PTPRT: variants seen among roughly 807,000 people sequenced by gnomAD.
PTPRT encodes the protein receptor-type tyrosine-protein phosphatase T.
Under a neutral mutation model 176.8 loss-of-function variants are expected in PTPRT, and 56 were observed. The ratio of observed to expected loss-of-function variants is 0.32; its 90% CI spans 0.26 to 0.40. PTPRT has a LOEUF of 0.40. PTPRT is among the 10% of genes least tolerant of loss of function. The pLI, the probability that PTPRT is intolerant of heterozygous loss-of-function variation, is 1.00. For missense variants in PTPRT, 1,540 were observed against 1,908.2 expected, an observed-to-expected ratio of 0.81 and a Z score of 3.60; for synonymous variants, 783 against 739.0, an observed-to-expected ratio of 1.06 and a Z score of -0.96.
At chr20:43,019,114 A>G (rs1301252224) in intron 1 of PTPRT, among the ~76,000 whole-genome samples, 1 of 152,246 alleles carries the variant, frequency 6.6e-6, no homozygotes, top group African/African-American at 2.4e-5. Flanking sequence ...AGGTAATAGA[A>G]TACAATACAC....
chr20:42,651,467 A>G (rs1274162777), intron 7 of PTPRT, among the ~76,000 whole-genome samples: 1 of 152,310 alleles, frequency 6.6e-6, no homozygotes, highest in Non-Finnish European at 1.5e-5. Context: ...TTCCCATTTT[A>G]CAGATGAGAA....
At position 42,419,376 on chromosome 20, in the gene PTPRT, C is replaced by T. The variant is rs140597608; in HGVS notation, c.1560+28844G>A. ...GTGAAGAGGGAGGAGCTTCAAGGTG[C>T]CTACAGTACCAGGGCAGCAGGGGAA... On this transcript the variant is annotated intron_variant, in intron 9 of 30. Transcript: ENST00000373187. Among the ~76,000 whole-genome samples, 509 of 152,252 alleles carry T rather than the reference C, an allele frequency of 3.3e-3. 3 individuals are homozygous for T. The highest frequency in any genetic ancestry group is 0.012 in the African/African-American group (481 of 41,556).
At chr20:43,162,476 C>A (rs1281386403) in intron 1 of PTPRT, among the ~76,000 whole-genome samples, 1 of 152,194 alleles carries the variant, frequency 6.6e-6, no homozygotes, top group Non-Finnish European at 1.5e-5. Context: ...CTGGTAATAA[C>A]CACACAACAA....
chr20:43,128,510 TG>T (rs2013532434), intron 1 of PTPRT, among the ~76,000 whole-genome samples: 1 of 152,206 alleles, frequency 6.6e-6, no homozygotes, highest in Non-Finnish European at 1.5e-5. Context: ...ACAACCACTA[TG>T]GGGGCCCCAA....
At chr20:42,192,266 T>G (rs1991031549) in intron 16 of PTPRT, among the ~76,000 whole-genome samples, 1 of 152,106 alleles carries the variant, frequency 6.6e-6, no homozygotes, top group Admixed American at 6.6e-5. Flanking sequence ...GCCATTTTCC[T>G]GAAAGGGTTA....
chr20:43,132,487 G>A (rs746573507), intron 1 of PTPRT, among the ~76,000 whole-genome samples: 11 of 152,116 alleles, frequency 7.2e-5, no homozygotes, highest in Non-Finnish European at 1.5e-4. Context: ...TGTTGTTCTT[G>A]GATACTCTGT....
intron 4 of PTPRT, 80 bp from the exon 5 acceptor site, chr20:42,771,630 G>A: frequency 8.8e-7 from 1 of 1,142,664 alleles, no homozygotes. Context: ...GGCAGCTCAG[G>A]ATGGGCACTG....
At chr20:42,090,409 C>T (rs563779279) in intron 27 of PTPRT, among the ~76,000 whole-genome samples, 30 of 151,210 alleles carry the variant, frequency 2.0e-4, no homozygotes, top group Non-Finnish European at 3.2e-4. Context: ...TGGGTTGCTC[C>T]GATGAGCTGA....
intron 7 of PTPRT, among the ~76,000 whole-genome samples, chr20:42,666,953 G>A (rs1448122751): frequency 2.0e-5 from 3 of 152,084 alleles, no homozygotes; most frequent in East Asian, 3.9e-4. Flanking sequence ...CTATAAGAAC[G>A]TTTTCTTCTG....
intron 7 of PTPRT, among the ~76,000 whole-genome samples, chr20:42,630,338 G>A (rs1413802437): frequency 2.0e-5 from 3 of 152,124 alleles, no homozygotes; most frequent in Non-Finnish European, 4.4e-5. Flanking sequence ...ACTCCCAGAA[G>A]GCCAGAAGAT....
intron 1 of PTPRT, among the ~76,000 whole-genome samples, chr20:43,022,694 GGCGGAGTGAAA>G (rs2146179902): frequency 6.6e-6 from 1 of 152,306 alleles, no homozygotes; most frequent in East Asian, 1.9e-4. Flanking sequence ...CCCATCAGGA[GGCGGAGTGAAA>G]GCTAGAAGCA....
At chr20:42,848,928 A>G (rs2145752708) in intron 2 of PTPRT, among the ~76,000 whole-genome samples, 1 of 152,318 alleles carries the variant, frequency 6.6e-6, no homozygotes, top group East Asian at 1.9e-4. Flanking sequence ...GTTATCTTCT[A>G]GAATTTTTAT....
At chr20:42,586,872 T>C (rs2073479804) in intron 7 of PTPRT, among the ~76,000 whole-genome samples, 1 of 152,162 alleles carries the variant, frequency 6.6e-6, no homozygotes, top group Non-Finnish European at 1.5e-5. Flanking sequence ...TGGCTTGGTC[T>C]AACAAACAGA....
intron 8 of PTPRT, among the ~76,000 whole-genome samples, chr20:42,449,589 G>A (rs570665340): frequency 3.3e-5 from 5 of 152,238 alleles, no homozygotes; most frequent in East Asian, 1.9e-4. Context: ...TCTCCTTTGC[G>A]TCGATAAGAG....
intron 2 of PTPRT, among the ~76,000 whole-genome samples, chr20:42,805,119 A>G (rs1569166222): frequency 6.6e-6 from 1 of 152,230 alleles, no homozygotes; most frequent in Non-Finnish European, 1.5e-5. Context: ...TAGAGGGAGC[A>G]TGGGAAAATA....
intron 7 of PTPRT, among the ~76,000 whole-genome samples, chr20:42,497,499 C>T (rs938546003): frequency 6.6e-6 from 1 of 151,846 alleles, no homozygotes; most frequent in African/African-American, 2.4e-5. Context: ...CTCAGGCTGA[C>T]CTCAAACTCC....
At chr20:43,051,898 T>G (rs920572197) in intron 1 of PTPRT, among the ~76,000 whole-genome samples, 4 of 152,040 alleles carry the variant, frequency 2.6e-5, no homozygotes, top group African/African-American at 9.7e-5. Context: ...GGAACCAAAA[T>G]GAAAACAATT....
In PTPRT at chr20:42,443,260, C is replaced by T. The variant is rs556597542; in HGVS notation, c.1560+4960G>A. Among the ~76,000 whole-genome samples the T allele has an allele frequency of 3.3e-5, 5 of 152,292 alleles. No individual in the cohort carries two copies. In the East Asian group the frequency reaches 9.6e-4, roughly 29 times the overall value. On this transcript the variant is annotated intron_variant, in intron 9 of 30. Transcript: ENST00000373187. ...GTGAGATTTGAGAATGTTTCTTAAA[C>T]CAGTGCTTTTTATGCTTTAATGTAC...
At chr20:42,204,864 C>T (rs1179433834) in intron 15 of PTPRT, among the ~76,000 whole-genome samples, 1 of 151,978 alleles carries the variant, frequency 6.6e-6, no homozygotes, top group Admixed American at 6.6e-5. Flanking sequence ...GGACATTTCT[C>T]ACGGAGAGGG....
Sources: allele counts gnomAD v4.1 joint callset (sites outside exome capture counted in the v4.1 genomes callset), GRCh38; gene constraint gnomAD v4.1.1; transcripts MANE v1.5; gene names NCBI Gene and HGNC (gene_info 2026-07-23, HGNC 2026-07-21).